INSYN2A: variants seen among roughly 807,000 people sequenced by gnomAD.
INSYN2A encodes inhibitory synaptic factor 2A, also known as family with sequence similarity 196 member A.
A neutral mutation model predicts 39.4 loss-of-function variants in INSYN2A; 17 were observed. That is an observed-to-expected ratio of 0.43 (90% CI 0.30 to 0.65). INSYN2A has a LOEUF of 0.65. INSYN2A is among the 30% of genes least tolerant of loss of function. The probability of loss-of-function intolerance (pLI) is 0.14; values close to 1 mark genes in which losing one functional copy is unlikely to be tolerated. For synonymous variants in INSYN2A, 255 were observed against 265.7 expected (o/e 0.96, Z 0.39); for missense variants, 595 against 631.2 (o/e 0.94, Z 0.61).
At chr10:127,184,225 C>T (rs543151638) in intron 2 of INSYN2A, among the ~76,000 whole-genome samples, 29 of 152,130 alleles carry the variant, frequency 1.9e-4, no homozygotes, top group Admixed American at 4.6e-4. Flanking sequence ...ATTGGGGTCA[C>T]GAGACCCATC....
At chr10:127,165,840 T>C (rs1344594300) in intron 4 of INSYN2A, among the ~76,000 whole-genome samples, 3 of 152,134 alleles carry the variant, frequency 2.0e-5, no homozygotes, top group Admixed American at 2.0e-4. Flanking sequence ...TTCCTGTTAA[T>C]GATTACAGAT....
intron 4 of INSYN2A, among the ~76,000 whole-genome samples, chr10:127,170,269 C>T (rs1319827047): frequency 2.6e-5 from 4 of 152,258 alleles, no homozygotes; most frequent in East Asian, 1.9e-4. Flanking sequence ...AGTCACAAAG[C>T]CCCGAAGCCT....
In INSYN2A at chr10:127,151,362, T is replaced by C. The variant is rs116473001; in HGVS notation, c.1256+2490A>G. ...AGGCAGCAGGAGTCCAGCCGAAATA[T>C]TACTCTGCAGACTGTCCTGGGACCA... is the stretch of plus-strand genomic sequence containing the variant. On this transcript the variant is annotated intron_variant, in intron 5 of 5. Transcript: ENST00000522781. 1.6e-3 allele frequency among the ~76,000 whole-genome samples: 244 copies of C among 152,252 alleles called. 2 individuals are homozygous for C. The highest frequency in any genetic ancestry group is 5.6e-3 in the African/African-American group (233 of 41,552).
At chr10:127,194,852 G>A (rs1007155799) in intron 1 of INSYN2A, among the ~76,000 whole-genome samples, 6 of 152,270 alleles carry the variant, frequency 3.9e-5, no homozygotes, top group East Asian at 1.9e-4. Flanking sequence ...GTTTCACCTC[G>A]GGATGCTTCC....
intron 2 of INSYN2A, among the ~76,000 whole-genome samples, chr10:127,183,800 CTG>C (rs1235116212): frequency 6.6e-6 from 1 of 152,162 alleles, no homozygotes; most frequent in African/African-American, 2.4e-5. Context: ...ATACTTGAAA[CTG>C]TATATTTTAT....
In INSYN2A at chr10:127,135,681, G is replaced by T. The variant is rs2050629771; in HGVS notation, c.*2156C>A. 1.3e-5 allele frequency: 2 copies of T among 152,538 alleles called. No individual in the cohort carries two copies. The highest frequency in any genetic ancestry group is 1.3e-4 in the Admixed American group (2 of 15,280). The allele number at this position is 152,538 out of a possible 1,614,324, so 9.4% of individuals were successfully genotyped here. ...TTTTGAACACACTTTAATTTTTAGG[G>T]ATGAATTAATTTATCTTCAGAAGTT... On this transcript the variant is annotated 3_prime_UTR_variant, in exon 6 of 6. Transcript: ENST00000522781.
intron 4 of INSYN2A, among the ~76,000 whole-genome samples, chr10:127,163,892 G>A (rs528674759): frequency 3.3e-4 from 50 of 151,474 alleles, no homozygotes; most frequent in African/African-American, 1.2e-3. Context: ...TCTTTCGATG[G>A]TGTGGACAAA....
intron 2 of INSYN2A, among the ~76,000 whole-genome samples, chr10:127,181,768 T>G (rs1215298747): frequency 1.3e-5 from 2 of 152,012 alleles, no homozygotes; most frequent in Admixed American, 6.5e-5. Flanking sequence ...GGAGGTAAAA[T>G]AGAACCTCAC....
intron 4 of INSYN2A, among the ~76,000 whole-genome samples, chr10:127,164,159 CTTTTTTTTTTTTTTTTTTTTTTTTTT>C (rs528947051): frequency 1.7e-4 from 11 of 63,582 alleles, no homozygotes; most frequent in South Asian, 1.4e-3. Context: ...CATTTGCCTC[CTTTTTTTTTTTTTTTTTTTTTTTTTT>C]TTTTTTTTTT....
At chr10:127,185,226 T>C (rs1172269260) in intron 2 of INSYN2A, among the ~76,000 whole-genome samples, 1 of 152,138 alleles carries the variant, frequency 6.6e-6, no homozygotes, top group Non-Finnish European at 1.5e-5. Flanking sequence ...CTTTACTTAC[T>C]GGTTTAAGAA....
intron 4 of INSYN2A, among the ~76,000 whole-genome samples, chr10:127,155,404 T>C (rs996312571): frequency 5.3e-5 from 8 of 152,164 alleles, no homozygotes; most frequent in East Asian, 1.9e-4. Context: ...CCAGGCACTT[T>C]CTGTGATTCA....
Position 127,196,314 on chromosome 10 carries a change from C to T in INSYN2A, c.-712G>A, listed in dbSNP as rs892813822. ...GCAGCGGCTGGGCCAGCTCCGGGGA[C>T]GCCCGCGCGCTCGCTTGCTCGCGAC... On this transcript the variant is annotated 5_prime_UTR_variant, in exon 1 of 6. Transcript: ENST00000522781. Among the ~76,000 whole-genome samples, 2 of 148,730 alleles carry T rather than the reference C, an allele frequency of 1.3e-5. No homozygotes were observed. Among genetic ancestry groups the T allele is most frequent in the African/African-American group, 2.4e-5 (1 of 41,096 alleles).
rs1004876591 is a variant in INSYN2A at position 127,175,612 on chromosome 10, T to A, written c.784A>T (p.Ser262Cys). 1 of 1,612,870 alleles carries A rather than the reference T, an allele frequency of 6.2e-7. No homozygotes were observed. The highest frequency in any genetic ancestry group is 1.3e-5 in the African/African-American group (1 of 74,926). Residue 262 changes from serine to cysteine, a missense_variant, in exon 4 of 6, where the codon AGT (serine) becomes TGT (cysteine). Coordinates refer to ENST00000522781, the MANE Select transcript of INSYN2A (RefSeq NM_001039762.3). The surrounding 1 kb of genome is among the most constrained non-coding windows in gnomAD (Gnocchi z 6.3). Reference sequence around the variant, plus strand: ...AAACCAGGCTCGGGGGCCCTGGCACTGAGGGCAGGTGCGTAAACGGTGGCA... The same window carrying A: ...AAACCAGGCTCGGGGGCCCTGGCACAGAGGGCAGGTGCGTAAACGGTGGCA... ...EVATVYAPAL[S>C]ARAPEPGLSD...
At chr10:127,159,901 C>T (rs964348500) in intron 4 of INSYN2A, among the ~76,000 whole-genome samples, 6 of 152,096 alleles carry the variant, frequency 3.9e-5, no homozygotes, top group Non-Finnish European at 8.8e-5. Flanking sequence ...GAGGGCTGGA[C>T]GGCATCTGCT....
intron 4 of INSYN2A, among the ~76,000 whole-genome samples, chr10:127,172,900 T>C (rs2054712349): frequency 6.6e-6 from 1 of 152,224 alleles, no homozygotes; most frequent in African/African-American, 2.4e-5. Context: ...GTCTTATGTA[T>C]GTGGCTATCG....
intron 1 of INSYN2A, among the ~76,000 whole-genome samples, chr10:127,193,597 G>A (rs78171672): frequency 0.14 from 20,747 of 152,172 alleles, 1,771 homozygotes; most frequent in South Asian, 0.22. Flanking sequence ...AAATGTCTAC[G>A]TGAACGGGTC....
At position 127,175,888 on chromosome 10, in the gene INSYN2A, T is replaced by G. The variant is rs868339889; in HGVS notation, c.508A>C (p.Thr170Pro). Residue 170 changes from threonine (T) to proline (P), a missense_variant, in exon 4 of 6, where the codon ACC (threonine) becomes CCC (proline). Thr to Pro is a conservative substitution (Grantham distance 38, BLOSUM62 -1). Transcript: ENST00000522781. The surrounding 1 kb of genome is among the most constrained non-coding windows in gnomAD (Gnocchi z 6.3). ...TTGGAATGGAAAACCAAGGCTGTGG[T>G]CTTGTGCACCCGCCCCGCGCCACAT... is the stretch of plus-strand genomic sequence containing the variant. The part of the protein sequence containing the change: ...RPCGAGRVHK[T>P]TALVFHSNQH... 1.2e-6 allele frequency: 2 copies of G among 1,614,118 alleles called. No homozygotes were observed. Among genetic ancestry groups the G allele is most frequent in the African/African-American group, 2.7e-5 (2 of 75,034 alleles).
intron 4 of INSYN2A, among the ~76,000 whole-genome samples, chr10:127,163,056 C>G (rs1209140874): frequency 6.6e-6 from 1 of 152,204 alleles, no homozygotes; most frequent in Non-Finnish European, 1.5e-5. Flanking sequence ...GGCAGCACAG[C>G]ACATCCTCAG....
rs548839449 is a variant in INSYN2A at position 127,142,262 on chromosome 10, G to A, written c.1257-4242C>T. On this transcript the variant is annotated intron_variant, in intron 5 of 5. Transcript: ENST00000522781. ...CTACAGCCACACGGGCACGTGGGAAGCCGGGGCTCCAAACCTTGTTGTGGT... is the reference window on the plus strand; with the variant it reads ...CTACAGCCACACGGGCACGTGGGAAACCGGGGCTCCAAACCTTGTTGTGGT... 8.9e-4 allele frequency among the ~76,000 whole-genome samples: 135 copies of A among 152,334 alleles called. 1 individual carries two copies. Among genetic ancestry groups the A allele is most frequent in the African/African-American group, 3.0e-3 (125 of 41,576 alleles).
Sources: gnomAD v4.1 joint callset for allele counts (sites outside exome capture counted in the v4.1 genomes callset) on GRCh38, gnomAD v4.1.1 for gene constraint, Gnocchi (gnomAD v3.1) non-coding constraint, MANE v1.5 for transcripts, NCBI Gene and HGNC (gene_info 2026-07-23, HGNC 2026-07-21) for gene names.